SUCLG2: variants seen among roughly 807,000 people sequenced by gnomAD.
SUCLG2 encodes the protein succinate-CoA ligase GDP-forming subunit beta, also known as succinate--CoA ligase [GDP-forming] subunit beta, mitochondrial.
SUCLG2 carries 42 observed loss-of-function variants against 47.9 expected under a neutral mutation model. The observed-to-expected ratio is 0.88, with a 90% CI of 0.69 to 1.14. SUCLG2 has a LOEUF of 1.14. SUCLG2 is among the 50% of genes most tolerant of loss of function. The pLI is 0.00. For synonymous variants in SUCLG2, 195 were observed against 197.3 expected (o/e 0.99, Z 0.10); for missense variants, 571 against 525.9 (o/e 1.09, Z -0.84).
chr3:67,573,937 A>G (rs1464886686), intron 2 of SUCLG2, among the ~76,000 whole-genome samples: 1 of 152,184 alleles, frequency 6.6e-6, no homozygotes, highest in Non-Finnish European at 1.5e-5. Context: ...TCCTGGAGGC[A>G]CTATGTAGCA....
At chr3:67,469,844 G>A (rs764245141) in intron 9 of SUCLG2, among the ~76,000 whole-genome samples, 3 of 151,942 alleles carry the variant, frequency 2.0e-5, no homozygotes, top group Non-Finnish European at 2.9e-5. Flanking sequence ...TCAGGAGTTC[G>A]AGACCAGCCT....
Position 67,556,239 on chromosome 3 carries a change from T to C in SUCLG2, c.227-27053A>G, listed in dbSNP as rs555651850. Among the ~76,000 whole-genome samples the C allele has an allele frequency of 2.3e-4, 35 of 152,312 alleles. No individual in the cohort carries two copies. In the South Asian group the frequency reaches 5.0e-3, roughly 22 times the overall value. ...AAAAGAAGGACAATCGCCACTGGGATAGCTGGTGACCTTTCAGTGGGCTTT... is the reference window on the plus strand; with the variant it reads ...AAAAGAAGGACAATCGCCACTGGGACAGCTGGTGACCTTTCAGTGGGCTTT... On this transcript the variant is annotated intron_variant, in intron 2 of 10. Transcript: ENST00000307227.
intron 2 of SUCLG2, among the ~76,000 whole-genome samples, chr3:67,558,885 G>A (rs1707232224): frequency 6.6e-6 from 1 of 151,952 alleles, no homozygotes; most frequent in Admixed American, 6.6e-5. Flanking sequence ...ATTCCCAAGG[G>A]CCCTATTTTA....
At chr3:67,418,504 G>A (rs954111670) in intron 9 of SUCLG2, among the ~76,000 whole-genome samples, 2 of 152,164 alleles carry the variant, frequency 1.3e-5, no homozygotes, top group African/African-American at 4.8e-5. Flanking sequence ...CTGTTCTGGT[G>A]AACAGTAAGG....
At chr3:67,393,239 C>A (rs9637488) in intron 10 of SUCLG2, among the ~76,000 whole-genome samples, 1 of 150,070 alleles carries the variant, frequency 6.7e-6, no homozygotes, top group African/African-American at 2.4e-5. Flanking sequence ...TCGGGAAGTG[C>A]AAGGGGTCAG....
chr3:67,425,147 TTTA>T (rs1038229590), intron 9 of SUCLG2, among the ~76,000 whole-genome samples: 3 of 152,168 alleles, frequency 2.0e-5, no homozygotes, highest in African/African-American at 7.2e-5. Context: ...GACTTATGAA[TTTA>T]CTTTGTTTTT....
intron 10 of SUCLG2, among the ~76,000 whole-genome samples, chr3:67,366,812 G>A (rs186035159): frequency 6.6e-6 from 1 of 152,234 alleles, no homozygotes; most frequent in African/African-American, 2.4e-5. Flanking sequence ...GTTCTGCCAT[G>A]TTGCCTTTAA....
At position 67,400,827 on chromosome 3, in the gene SUCLG2, A is replaced by C; in HGVS notation, c.1087T>G (p.Phe363Val). The C allele has an allele frequency of 6.2e-7, 1 of 1,613,178 alleles. No individual in the cohort carries two copies. The highest frequency in any genetic ancestry group is 8.5e-7 in the Non-Finnish European group (1 of 1,179,892). ...PKVEAILVNI[F>V]GGIVNCAIIA... ...ATGGCACAGTTGACGATACCACCAA[A>C]TATATTGACAAGGATGGCTTCAACC... The change falls in exon 10 of 11, where the codon TTT becomes GTT. Residue 363 changes from phenylalanine to valine, a missense_variant. Coordinates refer to ENST00000307227, the MANE Select transcript of SUCLG2 (RefSeq NM_003848.4).
chr3:67,410,116 CT>C (rs1384946635), intron 9 of SUCLG2, among the ~76,000 whole-genome samples: 1 of 152,216 alleles, frequency 6.6e-6, no homozygotes, highest in Non-Finnish European at 1.5e-5. Flanking sequence ...GAAATTTGAT[CT>C]GCAGAGAGCT....
At chr3:67,481,684 T>C (rs930127903) in intron 9 of SUCLG2, among the ~76,000 whole-genome samples, 6 of 152,224 alleles carry the variant, frequency 3.9e-5, no homozygotes, top group African/African-American at 1.2e-4. Context: ...TGCTCTATAC[T>C]GGGTTTTTAT....
chr3:67,540,392 T>C (rs1206132535), intron 2 of SUCLG2, among the ~76,000 whole-genome samples: 1 of 151,978 alleles, frequency 6.6e-6, no homozygotes, highest in Non-Finnish European at 1.5e-5. Flanking sequence ...GAGGCTTGAG[T>C]AGGTGGTTTT....
intron 9 of SUCLG2, among the ~76,000 whole-genome samples, chr3:67,456,084 T>G (rs1469405635): frequency 6.6e-6 from 1 of 152,146 alleles, no homozygotes; most frequent in Non-Finnish European, 1.5e-5. Context: ...TGGCAGTATC[T>G]CAACAGAATG....
intron 2 of SUCLG2, among the ~76,000 whole-genome samples, chr3:67,602,719 A>G (rs536109465): frequency 1.5e-4 from 23 of 152,344 alleles, no homozygotes; most frequent in African/African-American, 5.3e-4. Flanking sequence ...TTTAAGGAGC[A>G]TTTGCAAGCG....
rs893012364 is a variant in SUCLG2 at position 67,452,531 on chromosome 3, C to A, written c.1062+43267G>T. 3.9e-5 allele frequency among the ~76,000 whole-genome samples: 6 copies of A among 152,262 alleles called. No individual in the cohort carries two copies. In the South Asian group the frequency reaches 1.2e-3, roughly 32 times the overall value. Reference sequence around the variant, plus strand: ...TACTTCTATTAGTTTCTTTATTAAACCCTTTCTAATATGTAGAAAACAGGT... The same window carrying A: ...TACTTCTATTAGTTTCTTTATTAAAACCTTTCTAATATGTAGAAAACAGGT... On this transcript the variant is annotated intron_variant, in intron 9 of 10. Coordinates refer to ENST00000307227, the MANE Select transcript of SUCLG2 (RefSeq NM_003848.4).
At chr3:67,512,491 G>C (rs992660344) in intron 6 of SUCLG2, among the ~76,000 whole-genome samples, 1 of 150,756 alleles carries the variant, frequency 6.6e-6, no homozygotes, top group South Asian at 2.1e-4. Flanking sequence ...GTCAACACTC[G>C]ATAAATATCG....
chr3:67,630,871 G>C (rs1429881940), intron 1 of SUCLG2, among the ~76,000 whole-genome samples: 2 of 152,218 alleles, frequency 1.3e-5, no homozygotes, highest in Non-Finnish European at 2.9e-5. Context: ...GCATCAGCAA[G>C]TTTTACTGTA....
At chr3:67,495,437 G>C (rs1310936135) in intron 9 of SUCLG2, among the ~76,000 whole-genome samples, 1 of 152,008 alleles carries the variant, frequency 6.6e-6, no homozygotes, top group Non-Finnish European at 1.5e-5. Flanking sequence ...GGCAGACCAC[G>C]AGGTAGGGAG....
chr3:67,409,313 C>T (rs1283496034), intron 9 of SUCLG2, among the ~76,000 whole-genome samples: 1 of 152,132 alleles, frequency 6.6e-6, no homozygotes, highest in Non-Finnish European at 1.5e-5. Flanking sequence ...ATGTCTGAAA[C>T]ACTGAAATGT....
chr3:67,618,678 A>C (rs1238035326), intron 1 of SUCLG2, among the ~76,000 whole-genome samples: 2 of 152,224 alleles, frequency 1.3e-5, no homozygotes, highest in Non-Finnish European at 2.9e-5. Context: ...ATTAAAAACT[A>C]CTTGGAACCA....
Sources: allele counts gnomAD v4.1 joint callset (sites outside exome capture counted in the v4.1 genomes callset), GRCh38; gene constraint gnomAD v4.1.1; transcripts MANE v1.5; gene names NCBI Gene and HGNC (gene_info 2026-07-23, HGNC 2026-07-21).